RIMBP2: variants seen among roughly 807,000 people sequenced by gnomAD.
RIMBP2 encodes the protein RIMS-binding protein 2.
A neutral mutation model predicts 118.6 loss-of-function variants in RIMBP2; 48 were observed. The ratio of observed to expected loss-of-function variants is 0.40; its 90% CI spans 0.32 to 0.51. RIMBP2 has a LOEUF of 0.51. RIMBP2 is among the 20% of genes least tolerant of loss of function. The pLI, the probability that RIMBP2 is intolerant of heterozygous loss-of-function variation, is 0.41. For synonymous variants in RIMBP2, 762 were observed against 742.9 expected (o/e 1.03, Z -0.42); for missense variants, 1,551 against 1,768.3 (o/e 0.88, Z 2.20).
chr12:130,658,529 A>G (rs2063522054), intron 1 of RIMBP2: 1 of 152,270 alleles, frequency 6.6e-6, no homozygotes, highest in African/African-American at 2.4e-5. Flanking sequence ...CAGGAGCATC[A>G]TATTTCACTG....
chr12:130,519,153 G>A (rs2051800661), intron 2 of RIMBP2, among the ~76,000 whole-genome samples: 1 of 152,202 alleles, frequency 6.6e-6, no homozygotes, highest in Non-Finnish European at 1.5e-5. Context: ...GAATTGATCT[G>A]GTTCATCTCT....
chr12:130,470,401 C>A, intron 6 of RIMBP2: 1 of 326,498 alleles, frequency 3.1e-6, no homozygotes, highest in Non-Finnish European at 5.5e-6. Context: ...AGAGGAGCCA[C>A]CAGAGGACAG....
intron 1 of RIMBP2, among the ~76,000 whole-genome samples, chr12:130,699,666 C>T (rs2065753646): frequency 6.6e-6 from 1 of 151,872 alleles, no homozygotes; most frequent in African/African-American, 2.4e-5. Context: ...CAACACGACA[C>T]ATGTATACAT....
chr12:130,438,559 C>T, intron 11 of RIMBP2, 43 bp from the exon 12 acceptor site: 1 of 1,502,006 alleles, frequency 6.7e-7, no homozygotes, highest in Non-Finnish European at 8.9e-7. Flanking sequence ...AGGGACCAGC[C>T]CTGGCAGGTG....
chr12:130,516,996 G>C (rs1479789159), intron 3 of RIMBP2, among the ~76,000 whole-genome samples: 1 of 152,164 alleles, frequency 6.6e-6, no homozygotes, highest in Non-Finnish European at 1.5e-5. Flanking sequence ...GAGATGAGTG[G>C]TTGGTGCGCT....
intron 1 of RIMBP2, among the ~76,000 whole-genome samples, chr12:130,686,521 A>G (rs2065053020): frequency 6.6e-6 from 1 of 152,230 alleles, no homozygotes; most frequent in Non-Finnish European, 1.5e-5. Context: ...CAGTGGCTGA[A>G]AGTAGAGGCT....
intron 2 of RIMBP2, among the ~76,000 whole-genome samples, chr12:130,532,120 T>A (rs2053468444): frequency 6.7e-6 from 1 of 149,592 alleles, no homozygotes; most frequent in Admixed American, 6.7e-5. Flanking sequence ...ATGAGATGCG[T>A]GTGTGTAGCC....
chr12:130,400,269 T>A (rs1237944599), intron 21 of RIMBP2, among the ~76,000 whole-genome samples: 3 of 152,206 alleles, frequency 2.0e-5, no homozygotes, highest in Admixed American at 6.5e-5. Flanking sequence ...GCTTGAGCGC[T>A]ACTGGTCTAC....
intron 1 of RIMBP2, among the ~76,000 whole-genome samples, chr12:130,638,358 A>T (rs528433349): frequency 2.3e-4 from 35 of 152,304 alleles, no homozygotes; most frequent in African/African-American, 8.4e-4. Flanking sequence ...GCACATCACT[A>T]AGTGAAAGAA....
intron 11 of RIMBP2, among the ~76,000 whole-genome samples, chr12:130,440,578 G>A (rs1593306995): frequency 6.6e-6 from 1 of 152,162 alleles, no homozygotes; most frequent in Non-Finnish European, 1.5e-5. Flanking sequence ...GACTCCCCAC[G>A]GAGTGCCCGT....
intron 1 of RIMBP2, among the ~76,000 whole-genome samples, chr12:130,628,733 C>T (rs2061798286): frequency 6.6e-6 from 1 of 152,152 alleles, no homozygotes; most frequent in Admixed American, 6.5e-5. Context: ...GCTTTTGTGA[C>T]TCCTTGAGTA....
intron 12 of RIMBP2, 23 bp downstream of exon 12, chr12:130,438,342 C>CCCCCCCCCCAACCAAAAA: frequency 7.1e-7 from 1 of 1,410,116 alleles, no homozygotes; most frequent in Non-Finnish European, 1.0e-6. Flanking sequence ...CAAACCCTCC[C>CCCCCCCCCCAACCAAAAA]CACCCACCCA....
At chr12:130,482,704 T>G (rs1211640520) in intron 4 of RIMBP2, among the ~76,000 whole-genome samples, 1 of 152,030 alleles carries the variant, frequency 6.6e-6, no homozygotes, top group African/African-American at 2.4e-5. Context: ...GAGCTCACAT[T>G]CTGCAGGGGA....
chr12:130,503,252 C>T (rs191494769), intron 4 of RIMBP2, among the ~76,000 whole-genome samples: 7 of 151,104 alleles, frequency 4.6e-5, no homozygotes, highest in Non-Finnish European at 8.8e-5. Context: ...AAATATTATC[C>T]GGGTGTGGTG....
chr12:130,467,018 T>C (rs1209600048), intron 6 of RIMBP2, among the ~76,000 whole-genome samples: 2 of 152,216 alleles, frequency 1.3e-5, no homozygotes, highest in African/African-American at 2.4e-5. Flanking sequence ...CATTGCAAAA[T>C]GATAACTGAG....
At chr12:130,696,328 T>A (rs1373783792) in intron 1 of RIMBP2, among the ~76,000 whole-genome samples, 2 of 152,200 alleles carry the variant, frequency 1.3e-5, no homozygotes, top group African/African-American at 4.8e-5. Context: ...ATGTGTGTGG[T>A]GATCTGGTTT....
chr12:130,649,546 G>A (rs151123055), intron 1 of RIMBP2, among the ~76,000 whole-genome samples: 11 of 152,336 alleles, frequency 7.2e-5, no homozygotes, highest in African/African-American at 2.4e-4. Flanking sequence ...TCCCACAGCC[G>A]TTCTGTGCAA....
chr12:130,654,440 C>T (rs2063345030), intron 1 of RIMBP2, among the ~76,000 whole-genome samples: 1 of 152,240 alleles, frequency 6.6e-6, no homozygotes, highest in Admixed American at 6.5e-5. Context: ...TTTCTCATTT[C>T]CAGCTGAGAC....
At chr12:130,676,338 A>T (rs1265906055) in intron 1 of RIMBP2, among the ~76,000 whole-genome samples, 1 of 132,730 alleles carries the variant, frequency 7.5e-6, no homozygotes, top group African/African-American at 2.8e-5. Flanking sequence ...AAAAAAAAAA[A>T]CGGGGGCCAG....
Sources: allele counts gnomAD v4.1 joint callset (sites outside exome capture counted in the v4.1 genomes callset), GRCh38; gene constraint gnomAD v4.1.1; transcripts MANE v1.5; gene names NCBI Gene and HGNC (gene_info 2026-07-23, HGNC 2026-07-21).